Variants in NXN observed in about 807,000 individuals in gnomAD.
NXN encodes nucleoredoxin.
NXN carries 16 observed loss-of-function variants against 48.6 expected under a neutral mutation model. The ratio of observed to expected loss-of-function variants is 0.33; its 90% confidence interval spans 0.22 to 0.50. The LOEUF is 0.50. Ranked by LOEUF, NXN falls within the 20% of genes least tolerant of loss-of-function variation. NXN has a pLI of 0.98. For synonymous variants in NXN, 281 were observed against 269.6 expected, an observed-to-expected ratio of 1.04 and a Z score of -0.41; for missense variants, 492 against 605.5, an observed-to-expected ratio of 0.81 and a Z score of 1.97.
chr17:974,569 C>A (rs2069435341), intron 1 of NXN, among the ~76,000 whole-genome samples: 1 of 151,870 alleles, frequency 6.6e-6, no homozygotes, highest in Admixed American at 6.6e-5. Flanking sequence ...AAGGCAGGTG[C>A]TGTTATCACA....
chr17:870,897 CGCCCAGGCTGGAGT>C (rs2068145091), intron 1 of NXN, among the ~76,000 whole-genome samples: 1 of 151,978 alleles, frequency 6.6e-6, no homozygotes, highest in Non-Finnish European at 1.5e-5. Flanking sequence ...CTCACTCTGT[CGCCCAGGCTGGAGT>C]GCAGTGGTGC....
Position 876,249 on chromosome 17 carries a change from G to GAAGAAAAGAAAAGAAAAGAAAAGAA in NXN, c.361-50172_361-50171insTTCTTTTCTTTTCTTTTCTTTTCTT, listed in dbSNP as rs572383467. Among the ~76,000 whole-genome samples the GAAGAAAAGAAAAGAAAAGAAAAGAA allele has an allele frequency of 3.2e-3, 480 of 150,182 alleles. 1 individual carries two copies. Among genetic ancestry groups the GAAGAAAAGAAAAGAAAAGAAAAGAA allele is most frequent in the African/African-American group, 8.9e-3 (362 of 40,770 alleles). The stretch of plus-strand genomic sequence containing the variant: ...GAAAGAAAGAAAGGAGAAGAGAAGA[G>GAAGAAAAGAAAAGAAAAGAAAAGAA]AAGAAAAGAAAAGAAAAGAAAGGAA... On this transcript the variant is annotated intron_variant, in intron 1 of 7. Transcript: ENST00000336868.
chr17:802,003 A>G (rs940757788), intron 7 of NXN, among the ~76,000 whole-genome samples: 7 of 152,260 alleles, frequency 4.6e-5, no homozygotes, highest in African/African-American at 1.7e-4. Context: ...AGAAGCTGGC[A>G]CTTTATCCTA....
intron 5 of NXN, among the ~76,000 whole-genome samples, chr17:806,565 C>T (rs1231276508): frequency 5.9e-5 from 9 of 152,196 alleles, no homozygotes; most frequent in Middle Eastern, 3.4e-3. Flanking sequence ...CACTGGCAGC[C>T]GCTCCCCCCA....
intron 3 of NXN, among the ~76,000 whole-genome samples, 179 bp from the exon 4 acceptor site, chr17:822,636 C>T (rs141400811): frequency 8.5e-5 from 13 of 152,080 alleles, no homozygotes; most frequent in African/African-American, 1.7e-4. Flanking sequence ...GTCAGAAGAT[C>T]GCTTGAGCCC....
At chr17:810,565 G>A (rs986646757) in intron 5 of NXN, among the ~76,000 whole-genome samples, 1 of 151,942 alleles carries the variant, frequency 6.6e-6, no homozygotes, top group Non-Finnish European at 1.5e-5. Flanking sequence ...CCCTCCTCCC[G>A]GCTCCCCCAA....
intron 6 of NXN, 84 bp downstream of exon 6, chr17:804,984 G>T (rs1750386686): frequency 2.1e-6 from 3 of 1,401,882 alleles, no homozygotes; most frequent in South Asian, 2.5e-5. Flanking sequence ...GAGAGAAGCG[G>T]CAGGGACAGG....
At chr17:845,936 G>C (rs542197253) in intron 1 of NXN, among the ~76,000 whole-genome samples, 39 of 152,234 alleles carry the variant, frequency 2.6e-4, no homozygotes, top group Non-Finnish European at 4.9e-4. Context: ...GGTGGCTCAT[G>C]CCTGTAATCC....
chr17:909,663 C>T (rs1185028054), intron 1 of NXN: 3 of 151,844 alleles, frequency 2.0e-5, no homozygotes, highest in Admixed American at 6.6e-5. Flanking sequence ...CTCAGCCTCC[C>T]GAGTAGCTGG....
intron 1 of NXN, among the ~76,000 whole-genome samples, chr17:955,702 C>T (rs1295402524): frequency 1.3e-5 from 2 of 151,164 alleles, no homozygotes; most frequent in South Asian, 2.1e-4. Context: ...TGAGACCATC[C>T]TGGCTAACAC....
At chr17:913,094 G>A (rs986831552) in intron 1 of NXN, among the ~76,000 whole-genome samples, 2 of 152,184 alleles carry the variant, frequency 1.3e-5, no homozygotes, top group Non-Finnish European at 2.9e-5. Context: ...GGACCATATA[G>A]AAGTTTTATA....
At chr17:945,096 T>A (rs1209086880) in intron 1 of NXN, among the ~76,000 whole-genome samples, 1 of 152,118 alleles carries the variant, frequency 6.6e-6, no homozygotes, top group African/African-American at 2.4e-5. Context: ...TATTTTTTAT[T>A]TTTGAGACGG....
chr17:816,405 A>G (rs1232728096), intron 5 of NXN, among the ~76,000 whole-genome samples: 1 of 152,072 alleles, frequency 6.6e-6, no homozygotes, highest in Non-Finnish European at 1.5e-5. Context: ...GTGACGTTGC[A>G]GCCAAGATCC....
At chr17:901,691 TGTTTTTTTGTTTTGTTC>T (rs2068538985) in intron 1 of NXN, among the ~76,000 whole-genome samples, 1 of 152,152 alleles carries the variant, frequency 6.6e-6, no homozygotes, top group African/African-American at 2.4e-5. Context: ...GCTTGCTGTT[TGTTTTTTTGTTTTGTTC>T]TGTTTTTTGG....
intron 1 of NXN, among the ~76,000 whole-genome samples, chr17:971,132 G>C (rs1002401218): frequency 1.3e-5 from 2 of 151,904 alleles, no homozygotes; most frequent in African/African-American, 4.8e-5. Context: ...TTTAAGTAGA[G>C]ACAGGGTTTC....
rs1491528474 is a variant in NXN, at chr17:853,723, A to ATATATATATAT, written c.361-27646_361-27645insATATATATATA. Among the ~76,000 whole-genome samples the ATATATATATAT allele has an allele frequency of 5.8e-3, 614 of 105,892 alleles. 7 individuals carry two copies. The highest frequency in any genetic ancestry group is 0.014 in the Middle Eastern group (2 of 146). The allele number at this position is 105,892 out of a possible 152,430, so 69.5% of individuals were successfully genotyped here. On this transcript the variant is annotated intron_variant, in intron 1 of 7. Coordinates refer to ENST00000336868, the MANE Select transcript of NXN (RefSeq NM_022463.5). ...TACACATATATATATATATATATAT[A>ATATATATATAT]TTTTTTTTTTTTTTTCCAAGACGGA...
intron 1 of NXN, among the ~76,000 whole-genome samples, chr17:928,479 C>T (rs1216799767): frequency 6.6e-6 from 1 of 152,196 alleles, no homozygotes; most frequent in Non-Finnish European, 1.5e-5. Context: ...AAGTTTCTCA[C>T]TGTGTTCTAA....
At chr17:899,172 C>G (rs1187254022) in intron 1 of NXN, among the ~76,000 whole-genome samples, 1 of 151,916 alleles carries the variant, frequency 6.6e-6, no homozygotes, top group African/African-American at 2.4e-5. Flanking sequence ...TGGTCAGGCT[C>G]GTCTTGAACT....
intron 1 of NXN, among the ~76,000 whole-genome samples, chr17:859,142 T>C (rs2068016863): frequency 1.3e-5 from 2 of 152,124 alleles, no homozygotes; most frequent in Non-Finnish European, 2.9e-5. Context: ...TTCCAGGAAA[T>C]ACTTTCAGAT....
Sources: gnomAD v4.1 joint callset for allele counts (sites outside exome capture counted in the v4.1 genomes callset) on GRCh38, gnomAD v4.1.1 for gene constraint, MANE v1.5 for transcripts, NCBI Gene and HGNC (gene_info 2026-07-23, HGNC 2026-07-21) for gene names.